Variants in MCTP2 observed in about 807,000 individuals in gnomAD.
MCTP2 encodes the protein multiple C2 and transmembrane domain-containing protein 2.
In MCTP2, 132 loss-of-function variants were observed where a neutral mutation model predicts 111.6. The ratio of observed to expected loss-of-function variants is 1.18; its 90% CI spans 1.03 to 1.37. The LOEUF (loss-of-function observed/expected upper bound fraction) is 1.37. Among genes scored for constraint, MCTP2 ranks in the 40% most tolerant of loss-of-function variants. MCTP2 has a pLI of 0.00. For missense variants in MCTP2, 1,183 were observed against 1,067.9 expected (o/e 1.11, Z -1.50); for synonymous variants, 395 against 387.7 (o/e 1.02, Z -0.22).
intron 1 of MCTP2, among the ~76,000 whole-genome samples, chr15:94,256,502 T>A (rs370794253): frequency 2.6e-5 from 4 of 152,178 alleles, no homozygotes; most frequent in African/African-American, 9.7e-5. Context: ...CTACAAAATA[T>A]GGGACTCCTT....
At chr15:94,464,447 T>G (rs903811668) in intron 20 of MCTP2, among the ~76,000 whole-genome samples, 1 of 151,212 alleles carries the variant, frequency 6.6e-6, no homozygotes, top group Non-Finnish European at 1.5e-5. Context: ...CTATGCTTGA[T>G]ATTGTTATCT....
At chr15:94,384,701 C>T (rs1209900383) in intron 13 of MCTP2, among the ~76,000 whole-genome samples, 1 of 152,164 alleles carries the variant, frequency 6.6e-6, no homozygotes, top group Non-Finnish European at 1.5e-5. Flanking sequence ...TGGTGACATA[C>T]TGTCCCTACG....
chr15:94,421,977 A>G (rs2082649334), intron 17 of MCTP2, among the ~76,000 whole-genome samples: 1 of 152,178 alleles, frequency 6.6e-6, no homozygotes, highest in African/African-American at 2.4e-5. Context: ...TCTTGCATAC[A>G]AAGTGTTTCA....
At chr15:94,310,244 G>A (rs986256954) in intron 2 of MCTP2, among the ~76,000 whole-genome samples, 1 of 152,134 alleles carries the variant, frequency 6.6e-6, no homozygotes, top group Non-Finnish European at 1.5e-5. Flanking sequence ...CCAATGATAT[G>A]ATATTCTAGA....
intron 14 of MCTP2, among the ~76,000 whole-genome samples, chr15:94,390,113 T>TATATAC (rs1567603520): frequency 0.12 from 5,615 of 45,800 alleles, 417 homozygotes; most frequent in Non-Finnish European, 0.21. Flanking sequence ...TATATATATA[T>TATATAC]GTATATATAT....
intron 19 of MCTP2, among the ~76,000 whole-genome samples, chr15:94,443,480 G>A (rs1366784144): frequency 6.6e-6 from 1 of 152,130 alleles, no homozygotes; most frequent in Non-Finnish European, 1.5e-5. Flanking sequence ...AAACCTTCTG[G>A]AATAAAATGA....
intron 12 of MCTP2, among the ~76,000 whole-genome samples, chr15:94,380,207 A>G (rs867989615): frequency 6.6e-6 from 1 of 152,124 alleles, no homozygotes; most frequent in Non-Finnish European, 1.5e-5. Context: ...AGGACCCTTA[A>G]GTGAATATGC....
At chr15:94,474,539 A>C (rs1176992073) in intron 21 of MCTP2, among the ~76,000 whole-genome samples, 3 of 152,134 alleles carry the variant, frequency 2.0e-5, no homozygotes, top group Admixed American at 6.5e-5. Flanking sequence ...CCTACGTCAC[A>C]ACCTTTTTTT....
Position 94,298,212 on chromosome 15 carries a change from G to T in MCTP2, c.-54G>T. On this transcript the variant is annotated 5_prime_UTR_variant, in exon 2 of 23. Transcript: ENST00000357742. ...TTTCTGTTTTATAGGAGTCATTGCA[G>T]TTTTCAGTAGAGGTGTACTTCTGAG... 1 of 1,331,368 alleles carries T rather than the reference G, an allele frequency of 7.5e-7. No homozygotes were observed. The highest frequency in any genetic ancestry group is 1.0e-6 in the Non-Finnish European group (1 of 996,732). The allele number at this position is 1,331,368 out of a possible 1,614,324, so 82.5% of individuals were successfully genotyped here.
Position 94,435,927 on chromosome 15 carries a change from G to T in MCTP2, c.2086-4249G>T, listed in dbSNP as rs547517054. 2.0e-5 allele frequency among the ~76,000 whole-genome samples: 3 copies of T among 152,060 alleles called. 1 individual carries two copies. In the South Asian group the frequency reaches 6.3e-4, roughly 32 times the overall value. On this transcript the variant is annotated intron_variant, in intron 17 of 22. Transcript: ENST00000357742. The stretch of plus-strand genomic sequence containing the variant: ...ATTACAGGCGTGAGCCACCGCGCCC[G>T]GCCTATGCTATATTCTTCTAAACAA...
chr15:94,394,368 A>G (rs2081169920), intron 14 of MCTP2, among the ~76,000 whole-genome samples: 1 of 152,144 alleles, frequency 6.6e-6, no homozygotes, highest in Non-Finnish European at 1.5e-5. Context: ...GAGCACTTAT[A>G]GTGTAAGCTG....
chr15:94,378,099 T>G (rs1174579121), intron 12 of MCTP2, among the ~76,000 whole-genome samples: 3 of 152,088 alleles, frequency 2.0e-5, no homozygotes, highest in African/African-American at 7.2e-5. Flanking sequence ...TAACAAAAGT[T>G]TATTCTGGCA....
chr15:94,407,437 A>G (rs2081955365), intron 17 of MCTP2, among the ~76,000 whole-genome samples: 3 of 152,210 alleles, frequency 2.0e-5, no homozygotes. Flanking sequence ...AGTAATCTAA[A>G]TCTACCATAT....
At chr15:94,453,265 A>G (rs2084583677) in intron 19 of MCTP2, among the ~76,000 whole-genome samples, 1 of 152,216 alleles carries the variant, frequency 6.6e-6, no homozygotes, top group African/African-American at 2.4e-5. Flanking sequence ...GGTTAACTCT[A>G]ACAACCAGGA....
intron 12 of MCTP2, among the ~76,000 whole-genome samples, chr15:94,379,439 C>G (rs958314030): frequency 6.6e-6 from 1 of 152,000 alleles, no homozygotes; most frequent in Non-Finnish European, 1.5e-5. Flanking sequence ...TGCTGTCCTC[C>G]CACGTCCCCC....
intron 19 of MCTP2, among the ~76,000 whole-genome samples, chr15:94,454,222 A>G (rs1321797182): frequency 6.6e-6 from 1 of 152,252 alleles, no homozygotes; most frequent in East Asian, 1.9e-4. Context: ...AGAATCATTT[A>G]ACTTTATAAT....
chr15:94,340,472 T>TA (rs2077577178), intron 6 of MCTP2, among the ~76,000 whole-genome samples, 197 bp downstream of exon 6: 1 of 152,208 alleles, frequency 6.6e-6, no homozygotes, highest in Non-Finnish European at 1.5e-5. Flanking sequence ...AGTCAGATGT[T>TA]AAGTATTTTA....
At chr15:94,297,351 T>G (rs1361853526) in intron 1 of MCTP2, among the ~76,000 whole-genome samples, 1 of 152,226 alleles carries the variant, frequency 6.6e-6, no homozygotes, top group African/African-American at 2.4e-5. Context: ...CAACTGCTAG[T>G]GAGCCACACT....
Position 94,399,916 on chromosome 15 carries a change from T to C in MCTP2, c.1891-5T>C. On this transcript the variant is annotated splice_region_variant and splice_polypyrimidine_tract_variant and intron_variant, in intron 15 of 22. Coordinates refer to ENST00000357742, the MANE Select transcript of MCTP2 (RefSeq NM_001385001.1). ...GCCCTTTTTTAACAAGGATGTCTTT[T>C]CTAGGTGAAAGCAAGTATTAGGACT... is the stretch of plus-strand genomic sequence containing the variant. The C allele has an allele frequency of 6.2e-7, 1 of 1,613,604 alleles. No homozygotes were observed. The highest frequency in any genetic ancestry group is 8.5e-7 in the Non-Finnish European group (1 of 1,179,554).
Sources: gnomAD v4.1 joint callset for allele counts (sites outside exome capture counted in the v4.1 genomes callset) on GRCh38, gnomAD v4.1.1 for gene constraint, MANE v1.5 for transcripts, NCBI Gene and HGNC (gene_info 2026-07-23, HGNC 2026-07-21) for gene names.